The following CRMP1 variants were observed in gnomAD, a reference collection of about 807,000 sequenced individuals.
CRMP1 encodes the protein dihydropyrimidinase-related protein 1.
CRMP1 carries 19 observed loss-of-function variants against 68.3 expected under a neutral mutation model. That is an observed-to-expected ratio of 0.28 (90% confidence interval 0.19 to 0.41). CRMP1 has a LOEUF of 0.41. CRMP1 is among the 10% of genes least tolerant of loss of function. CRMP1 has a pLI of 1.00. For missense variants in CRMP1, 791 were observed against 967.4 expected (o/e 0.82, Z 2.42); for synonymous variants, 439 against 399.6 (o/e 1.10, Z -1.18).
rs758722114 is a variant in CRMP1, at chr4:5,825,502, C to G, written c.1961G>C (p.Ser654Thr). The G allele has an allele frequency of 6.4e-7, 1 of 1,572,266 alleles. No homozygotes were observed. The change falls in exon 13 of 14, where the codon AGC becomes ACC. Residue 654 changes from serine (S) to threonine (T), a missense_variant. This residue lies in a region of CRMP1 where 594 missense variants were observed against 763.6 expected (regional missense o/e 0.78). Coordinates refer to ENST00000324989, the MANE Select transcript of CRMP1 (RefSeq NM_001014809.3). This position sits in a 1 kb window ranked among gnomAD's most constrained non-coding sequence, Gnocchi z 4.4. ...PIRNLHQSNF[S>T]LSGAQIDDNN... The stretch of plus-strand genomic sequence containing the variant: ...CCACCACTCTTTCCTACCTGATAAG[C>G]TGAAGTTGGACTGGTGGAGGTTTCT...
chr4:5,889,912 T>G lies in CRMP1; in HGVS notation c.381+2677A>C. 1 of 1,394,244 alleles carries G rather than the reference T, an allele frequency of 7.2e-7. No individual in the cohort carries two copies. Among genetic ancestry groups the G allele is most frequent in the Non-Finnish European group, 9.3e-7 (1 of 1,074,188 alleles). 86.4% of individuals were successfully genotyped at this position (1,394,244 alleles called of 1,614,324 possible). ...CTCAGTATCCCAGGAACACTAGGCATAATTTTCCCATTTTACAGACAGGAA... is the reference window on the plus strand; with the variant it reads ...CTCAGTATCCCAGGAACACTAGGCAGAATTTTCCCATTTTACAGACAGGAA... On this transcript the variant is annotated intron_variant, in intron 1 of 13. Transcript: ENST00000324989. This position sits in a 1 kb window ranked among gnomAD's most constrained non-coding sequence, Gnocchi z 4.5.
In CRMP1 at chr4:5,889,564, C is replaced by T. The variant is rs1715844362; in HGVS notation, c.381+3025G>A. On this transcript the variant is annotated intron_variant, in intron 1 of 13. Coordinates refer to ENST00000324989, the MANE Select transcript of CRMP1 (RefSeq NM_001014809.3). This position sits in a 1 kb window ranked among gnomAD's most constrained non-coding sequence, Gnocchi z 4.5. ...GAAGATGGAGGAAAAGGGGGAGCCCCAGCAAGCCCCAACCTCACTGGACAG... is the reference window on the plus strand; with the variant it reads ...GAAGATGGAGGAAAAGGGGGAGCCCTAGCAAGCCCCAACCTCACTGGACAG... 3.9e-6 allele frequency: 6 copies of T among 1,535,562 alleles called. No homozygotes were observed. The Admixed American group carries it at 1.2e-4, about 30-fold the overall frequency.
chr4:5,893,031 C>T lies in CRMP1; in HGVS notation c.-62G>A, dbSNP rs1716024207. On this transcript the variant is annotated 5_prime_UTR_variant, in exon 1 of 14. Coordinates refer to ENST00000324989, the MANE Select transcript of CRMP1 (RefSeq NM_001014809.3). ...TGCCCGCCCGCGGCCCTGGGCACCG[C>T]CGTGCGCCGCGCTCCGCGCCTCGGT... The T allele has an allele frequency of 1.9e-6, 2 of 1,053,744 alleles. No homozygotes were observed. The highest frequency in any genetic ancestry group is 1.2e-6 in the Non-Finnish European group (1 of 866,246). 65.3% of individuals were successfully genotyped at this position (1,053,744 alleles called of 1,614,324 possible). A position where few individuals can be genotyped will look rare whatever the true frequency, so the allele number is the denominator to read the frequency against.
rs575734265 is a variant in CRMP1 at position 5,881,484 on chromosome 4, G to A, written c.381+11105C>T. ...TCACCATGCCCTCCCACTGCAGTGT[G>A]ACTGTAGCTGTCTTACAGGTCTATC... On this transcript the variant is annotated intron_variant, in intron 1 of 13. Coordinates refer to ENST00000324989, the MANE Select transcript of CRMP1 (RefSeq NM_001014809.3). This position sits in a 1 kb window ranked among gnomAD's most constrained non-coding sequence, Gnocchi z 4.6. Among the ~76,000 whole-genome samples, 2 of 152,290 alleles carry A rather than the reference G, an allele frequency of 1.3e-5. No homozygotes were observed. The highest frequency in any genetic ancestry group is 1.3e-4 in the Admixed American group (2 of 15,298).
chr4:5,888,987 A>C lies in CRMP1; in HGVS notation c.381+3602T>G, dbSNP rs548774464. 1.3e-3 allele frequency among the ~76,000 whole-genome samples: 192 copies of C among 151,958 alleles called. 2 individuals carry two copies. Among genetic ancestry groups the C allele is most frequent in the Middle Eastern group, 6.8e-3 (2 of 294 alleles). ...CGAGTGCCTCTCCCTGAATGCACCA[A>C]GCACTTTTTCCATCTCGGACCCCAA... On this transcript the variant is annotated intron_variant, in intron 1 of 13. Coordinates refer to ENST00000324989, the MANE Select transcript of CRMP1 (RefSeq NM_001014809.3). This position sits in a 1 kb window ranked among gnomAD's most constrained non-coding sequence, Gnocchi z 6.4.
rs938289019 is a variant in CRMP1 at position 5,879,169 on chromosome 4, C to A, written c.382-12413G>T. ...TCCCGGCCTGAGCCCGGCCCTCTCT[C>A]GGCCGCGCCCCACCACATCTATCTA... On this transcript the variant is annotated intron_variant, in intron 1 of 13. Coordinates refer to ENST00000324989, the MANE Select transcript of CRMP1 (RefSeq NM_001014809.3). This position sits in a 1 kb window ranked among gnomAD's most constrained non-coding sequence, Gnocchi z 4.2. 1.3e-5 allele frequency among the ~76,000 whole-genome samples: 2 copies of A among 152,120 alleles called. No individual in the cohort carries two copies. The highest frequency in any genetic ancestry group is 4.8e-5 in the African/African-American group (2 of 41,410).
Position 5,856,268 on chromosome 4 carries a change from G to C in CRMP1, c.695C>G (p.Thr232Ser). The C allele has an allele frequency of 6.2e-7, 1 of 1,613,738 alleles. No homozygotes were observed. Among genetic ancestry groups the C allele is most frequent in the South Asian group, 1.1e-5 (1 of 91,060 alleles). Residue 232 changes from threonine (T) to serine (S), a missense_variant, in exon 4 of 14, where the codon ACC becomes AGC. By Grantham distance (58) the Thr-to-Ser change is moderately conservative. Transcript: ENST00000324989. ...VVPEPGSSLLTSFEKWHEAAD... is the reference protein window; with the variant it reads ...VVPEPGSSLLSSFEKWHEAAD... ...TGCTTCGTGCCACTTCTCGAAAGAG[G>C]TCAGTAGGCTGGACCCAGGTTCAGG...
intron 12 of CRMP1, among the ~76,000 whole-genome samples, chr4:5,827,828 TG>T (rs1719926869): frequency 6.6e-6 from 1 of 152,102 alleles, no homozygotes; most frequent in South Asian, 2.1e-4. Flanking sequence ...AGGGCCTGGC[TG>T]GGGAAGATGT....
chr4:5,835,865 T>C, intron 11 of CRMP1, 50 bp downstream of exon 11: 1 of 1,376,342 alleles, frequency 7.3e-7, no homozygotes. Flanking sequence ...TTAAAAATGA[T>C]TACAACGAAG....
At chr4:5,851,233 C>T (rs766300343) in intron 5 of CRMP1, among the ~76,000 whole-genome samples, 175 bp downstream of exon 5, 15 of 152,212 alleles carry the variant, frequency 9.9e-5, no homozygotes, top group Non-Finnish European at 1.6e-4. Context: ...CAGAAAAGAA[C>T]AGAAGCCCAG....
chr4:5,887,473 T>C (rs1577853807), intron 1 of CRMP1: 3 of 985,534 alleles, frequency 3.0e-6, no homozygotes, highest in Non-Finnish European at 3.6e-6. Flanking sequence ...GGCCAGCTCC[T>C]GACCGCTGCG....
chr4:5,861,209 G>C lies in CRMP1; in HGVS notation c.472C>G (p.Gln158Glu), dbSNP rs1186366027. Residue 158 changes from glutamine (Q) to glutamate (E), a missense_variant and splice_region_variant, in exon 3 of 14, where the codon CAA becomes GAA. Gln to Glu is a conservative substitution (Grantham distance 29). Transcript: ENST00000324989. The surrounding 1 kb of genome is among the most constrained non-coding windows in gnomAD (Gnocchi z 6.0). ...DVYLEDGLIK[Q>E]IGENLIVPGG... ...GGAACGATTAAGTTCTCTCCTATTT[G>C]TCTGGAGGCAAACAACAGAGACAGC... The C allele has an allele frequency of 6.2e-7, 1 of 1,612,490 alleles. No individual in the cohort carries two copies. The highest frequency in any genetic ancestry group is 1.1e-5 in the South Asian group (1 of 90,860).
At chr4:5,830,477 A>G (rs755371718) in intron 11 of CRMP1, among the ~76,000 whole-genome samples, 1 of 152,154 alleles carries the variant, frequency 6.6e-6, no homozygotes, top group African/African-American at 2.4e-5. Context: ...TAGTCCTTTC[A>G]TAGCTTTATT....
chr4:5,863,819 G>C (rs1316391369), intron 2 of CRMP1, among the ~76,000 whole-genome samples: 1 of 152,146 alleles, frequency 6.6e-6, no homozygotes, highest in Non-Finnish European at 1.5e-5. Flanking sequence ...GAAAGTAATT[G>C]TGCCTCTGTA....
In CRMP1 at chr4:5,841,208, C is replaced by G; in HGVS notation, c.1153+100G>C. Reference sequence around the variant, plus strand: ...ATCCCCGCTCCACCCCTCCCTCCTCCGGCTGCCTGTCTGAGTTCGGGAGGG... The same window carrying G: ...ATCCCCGCTCCACCCCTCCCTCCTCGGGCTGCCTGTCTGAGTTCGGGAGGG... On this transcript the variant is annotated intron_variant, in intron 8 of 13. Transcript: ENST00000324989. The surrounding 1 kb of genome is among the most constrained non-coding windows in gnomAD (Gnocchi z 6.9). 1 of 1,586,092 alleles carries G rather than the reference C, an allele frequency of 6.3e-7. No individual in the cohort carries two copies. The highest frequency in any genetic ancestry group is 8.6e-7 in the Non-Finnish European group (1 of 1,158,464).
Position 5,854,668 on chromosome 4 carries a change from A to G in CRMP1, c.820+1475T>C, listed in dbSNP as rs933643392. Reference sequence around the variant, plus strand: ...TGCAAAATGTTGAATGTAATCAGTAAAGAACTGCCATGAAAACCACAATGG... The same window carrying G: ...TGCAAAATGTTGAATGTAATCAGTAGAGAACTGCCATGAAAACCACAATGG... On this transcript the variant is annotated intron_variant, in intron 4 of 13. Transcript: ENST00000324989. The surrounding 1 kb of genome is among the most constrained non-coding windows in gnomAD (Gnocchi z 4.0). 6.6e-6 allele frequency among the ~76,000 whole-genome samples: 1 copy of G among 152,178 alleles called. No individual in the cohort carries two copies. The highest frequency in any genetic ancestry group is 1.5e-5 in the Non-Finnish European group (1 of 68,036).
chr4:5,828,654 G>A lies in CRMP1; in HGVS notation c.1638C>T (p.Asn546=), dbSNP rs777175562. Residue 546 remains asparagine (N), a synonymous_variant, in exon 12 of 14, where the codon AAC becomes AAT. Coordinates refer to ENST00000324989, the MANE Select transcript of CRMP1 (RefSeq NM_001014809.3). ...AKSHKSAVEY[N]IFEGMECHGS... ...CGTGGCACTCCATACCCTCGAAGAT[G>A]TTGTACTCCACCGCCTGCACCAACA... 6.2e-7 allele frequency: 1 copy of A among 1,614,054 alleles called. No homozygotes were observed. Among genetic ancestry groups the A allele is most frequent in the South Asian group, 1.1e-5 (1 of 91,056 alleles).
rs1380689398 is a variant in CRMP1 at position 5,890,631 on chromosome 4, TTTG to T, written c.381+1955_381+1957del. 6.6e-6 allele frequency among the ~76,000 whole-genome samples: 1 copy of T among 152,144 alleles called. No homozygotes were observed. The highest frequency in any genetic ancestry group is 2.4e-5 in the African/African-American group (1 of 41,438). On this transcript the variant is annotated intron_variant, in intron 1 of 13. Transcript: ENST00000324989. This position sits in a 1 kb window ranked among gnomAD's most constrained non-coding sequence, Gnocchi z 5.5. ...CCCGGGAGCGCCAGAGGCGCTGCCT[TTTG>T]TCCGGTGCCTGAGAAGCCATGGAGA...
rs1355995055 is a variant in CRMP1 at position 5,853,608 on chromosome 4, T to C, written c.821-2139A>G. 1.3e-5 allele frequency among the ~76,000 whole-genome samples: 2 copies of C among 152,174 alleles called. No homozygotes were observed. Among genetic ancestry groups the C allele is most frequent in the African/African-American group, 2.4e-5 (1 of 41,422 alleles). On this transcript the variant is annotated intron_variant, in intron 4 of 13. Coordinates refer to ENST00000324989, the MANE Select transcript of CRMP1 (RefSeq NM_001014809.3). The surrounding 1 kb of genome is among the most constrained non-coding windows in gnomAD (Gnocchi z 4.7). ...ACTACCGGCTGAAAATCCAAAGGAA[T>C]TGAAATCAGAATACCCAGGGGATAT...
Sources: gnomAD v4.1 joint callset for allele counts (sites outside exome capture counted in the v4.1 genomes callset) on GRCh38, gnomAD v4.1.1 for gene constraint, gnomAD v4.1.1 regional missense constraint, Gnocchi (gnomAD v3.1) non-coding constraint, MANE v1.5 for transcripts, NCBI Gene and HGNC (gene_info 2026-07-23, HGNC 2026-07-21) for gene names.